Variants in NCKAP5 observed in about 807,000 individuals in gnomAD.
NCKAP5 encodes the protein NCK associated protein 5.
A neutral mutation model predicts 167.0 loss-of-function variants in NCKAP5; 92 were observed. The ratio of observed to expected loss-of-function variants is 0.55; its 90% CI spans 0.47 to 0.66. NCKAP5 has a LOEUF of 0.66. NCKAP5 is among the 30% of genes least tolerant of loss of function. The probability of loss-of-function intolerance (pLI) is 0.00; values close to 1 mark genes in which losing one functional copy is unlikely to be tolerated. For synonymous variants in NCKAP5, 891 were observed against 877.4 expected (o/e 1.02, Z -0.27); for missense variants, 2,378 against 2,315.0 (o/e 1.03, Z -0.56).
At chr2:133,034,082 T>C (rs1022272580) in intron 6 of NCKAP5, among the ~76,000 whole-genome samples, 1 of 151,952 alleles carries the variant, frequency 6.6e-6, no homozygotes, top group African/African-American at 2.4e-5. Context: ...AATAAAACTC[T>C]CTAAGGCCAA....
intron 1 of NCKAP5, among the ~76,000 whole-genome samples, chr2:133,566,494 A>C (rs1688563971): frequency 6.6e-6 from 1 of 152,206 alleles, no homozygotes; most frequent in Non-Finnish European, 1.5e-5. Flanking sequence ...ACACCTTAAG[A>C]AATGTAACGA....
At chr2:132,943,199 T>C (rs1453582703) in intron 8 of NCKAP5, among the ~76,000 whole-genome samples, 3 of 152,208 alleles carry the variant, frequency 2.0e-5, no homozygotes, top group African/African-American at 2.4e-5. Flanking sequence ...ACAATGACAT[T>C]TCTCCCTATC....
chr2:132,815,117 T>C (rs543091057), intron 11 of NCKAP5, among the ~76,000 whole-genome samples: 24 of 152,320 alleles, frequency 1.6e-4, no homozygotes, highest in Middle Eastern at 3.4e-3. Context: ...TCCCTAAAGA[T>C]TTATCAATTT....
the NCKAP5 span, among the ~76,000 whole-genome samples, chr2:133,590,390 G>A: frequency 6.6e-6 from 1 of 151,834 alleles, no homozygotes; most frequent in African/African-American, 2.4e-5. Flanking sequence ...GCCAGGCTTG[G>A]TGGCGGGCAC....
At chr2:133,573,617 T>C in the NCKAP5 span, among the ~76,000 whole-genome samples, 935 of 152,322 alleles carry the variant, frequency 6.1e-3, 31 homozygotes, top group Admixed American at 0.054. Flanking sequence ...TGGAAGGCTC[T>C]TCATGAAAGG....
rs183723312 is a variant in NCKAP5, at chr2:133,458,152, G to A, written c.69+59306C>T. ...AGACAAACTTTATTGAGTTTGGAGT[G>A]GGTCCATCCATTGTCACTGGACTAG... On this transcript the variant is annotated intron_variant, in intron 3 of 19. Coordinates refer to ENST00000409261, the MANE Select transcript of NCKAP5 (RefSeq NM_207363.3). Among the ~76,000 whole-genome samples the A allele has an allele frequency of 1.4e-3, 208 of 152,290 alleles. 1 individual carries two copies. Among genetic ancestry groups the A allele is most frequent in the Non-Finnish European group, 2.2e-3 (147 of 68,016 alleles).
At chr2:133,453,920 G>A (rs571997805) in intron 3 of NCKAP5, among the ~76,000 whole-genome samples, 21 of 152,000 alleles carry the variant, frequency 1.4e-4, no homozygotes, top group Non-Finnish European at 2.9e-4. Context: ...CCCCACCACC[G>A]CTGAATCACT....
intron 16 of NCKAP5, among the ~76,000 whole-genome samples, chr2:132,766,863 T>C (rs2104903160): frequency 6.6e-6 from 1 of 152,298 alleles, no homozygotes; most frequent in African/African-American, 2.4e-5. Context: ...ATAACAACTG[T>C]ACATCATATG....
At chr2:133,255,518 G>T (rs535537817) in intron 4 of NCKAP5, among the ~76,000 whole-genome samples, 166 of 147,070 alleles carry the variant, frequency 1.1e-3, no homozygotes, top group African/African-American at 4.2e-3. Flanking sequence ...CAGCTTTAGG[G>T]AATGTGTGTA....
At chr2:133,599,962 G>T in the NCKAP5 span, among the ~76,000 whole-genome samples, 1 of 152,232 alleles carries the variant, frequency 6.6e-6, no homozygotes, top group East Asian at 1.9e-4. Flanking sequence ...GTGAGCGAAT[G>T]CCAAAAGATT....
the NCKAP5 span, among the ~76,000 whole-genome samples, chr2:133,662,569 A>G: frequency 6.7e-6 from 1 of 148,458 alleles, no homozygotes. Flanking sequence ...CCTAAGAGAG[A>G]GTATAAAGAA....
chr2:132,793,312 T>A (rs1684223610), intron 12 of NCKAP5, among the ~76,000 whole-genome samples: 1 of 152,168 alleles, frequency 6.6e-6, no homozygotes, highest in Admixed American at 6.5e-5. Context: ...CCAGCCGAGA[T>A]GCCCTGATGT....
rs2077927272 is a variant in NCKAP5, at chr2:133,005,335, C to A, written c.342-11096G>T. ...CTGATAAATGTTCATGAAATCTTCA[C>A]AATTTATGTTCTTCTGCCTCTGCTT... On this transcript the variant is annotated intron_variant, in intron 6 of 19. Transcript: ENST00000409261. Among the ~76,000 whole-genome samples the A allele has an allele frequency of 1.3e-5, 2 of 152,176 alleles. 1 individual carries two copies. Among genetic ancestry groups the A allele is most frequent in the South Asian group, 4.1e-4 (2 of 4,830 alleles).
chr2:133,201,596 G>T (rs967480006), intron 5 of NCKAP5, among the ~76,000 whole-genome samples: 1 of 152,134 alleles, frequency 6.6e-6, no homozygotes, highest in African/African-American at 2.4e-5. Context: ...ATTTATTGTG[G>T]TGATAAAGAT....
At chr2:133,281,482 G>A (rs1264821261) in intron 4 of NCKAP5, among the ~76,000 whole-genome samples, 1 of 151,950 alleles carries the variant, frequency 6.6e-6, no homozygotes, top group South Asian at 2.1e-4. Flanking sequence ...AAGAAGCCTG[G>A]GCCTCAGAAT....
In NCKAP5 at chr2:132,782,488, A is replaced by C. The variant is rs201242942; in HGVS notation, c.4323T>G (p.Ser1441Arg). 1.4e-3 allele frequency: 2,207 copies of C among 1,610,590 alleles called. 11 individuals are homozygous for C. The highest frequency in any genetic ancestry group is 3.2e-3 in the South Asian group (294 of 90,480). Residue 1441 changes from serine (S) to arginine (R), a missense_variant, in exon 14 of 20, where the codon AGT becomes AGG. By Grantham distance (110) the Ser-to-Arg change is moderately radical. Transcript: ENST00000409261. ...TTCCAGAAGTTTCTAGCTTGGATGTACTGCTTGTTTCAAAAGTGCTTGGAT... is the reference window on the plus strand; with the variant it reads ...TTCCAGAAGTTTCTAGCTTGGATGTCCTGCTTGTTTCAAAAGTGCTTGGAT... The part of the protein sequence containing the change: ...TQHPSTFETS[S>R]TSKLETSGRH...
At chr2:132,933,644 A>G (rs973029083) in intron 8 of NCKAP5, among the ~76,000 whole-genome samples, 1 of 152,226 alleles carries the variant, frequency 6.6e-6, no homozygotes, top group Non-Finnish European at 1.5e-5. Context: ...GATCCCAATT[A>G]AAATTCTTCA....
chr2:133,433,718 AC>A (rs1238949189), intron 3 of NCKAP5: 2 of 152,242 alleles, frequency 1.3e-5, no homozygotes, highest in Non-Finnish European at 1.5e-5. Flanking sequence ...AAAGTGCTCA[AC>A]AAAAACACTG....
At chr2:132,992,671 A>G (rs1270241472) in intron 7 of NCKAP5, among the ~76,000 whole-genome samples, 1 of 152,202 alleles carries the variant, frequency 6.6e-6, no homozygotes, top group Non-Finnish European at 1.5e-5. Flanking sequence ...CAGAGCTAGG[A>G]GGACTAAAAT....
Sources: allele counts gnomAD v4.1 joint callset (sites outside exome capture counted in the v4.1 genomes callset), GRCh38; gene constraint gnomAD v4.1.1; transcripts MANE v1.5; gene names NCBI Gene and HGNC (gene_info 2026-07-23, HGNC 2026-07-21).